Variants in SCRN3 observed in about 807,000 individuals in gnomAD.
SCRN3 encodes secernin-3.
A neutral mutation model predicts 43.1 loss-of-function variants in SCRN3; 39 were observed. That is an observed-to-expected ratio of 0.91 (90% CI 0.70 to 1.18). SCRN3 has a LOEUF of 1.18. Among genes scored for constraint, SCRN3 ranks in the 50% most tolerant of loss-of-function variants. The pLI, the probability that SCRN3 is intolerant of heterozygous loss-of-function variation, is 0.00. For missense variants in SCRN3, 484 were observed against 498.0 expected, an observed-to-expected ratio of 0.97 and a Z score of 0.27; for synonymous variants, 147 against 163.1, an observed-to-expected ratio of 0.90 and a Z score of 0.75.
rs776531457 is a variant in SCRN3, at chr2:174,404,277, G to GAT, written c.718_719dup (p.Cys241ThrfsTer8). 1 of 1,613,766 alleles carries GAT rather than the reference G, an allele frequency of 6.2e-7. No homozygotes were observed. The highest frequency in any genetic ancestry group is 1.7e-5 in the Admixed American group (1 of 59,996). ...GCCAAGATGATGACTTCATCAGGCA[G>GAT]ATACTGTGAGGGCTACAAGCTTCTA... On this transcript the variant is annotated frameshift_variant, in exon 5 of 8. Coordinates refer to ENST00000272732, the MANE Select transcript of SCRN3 (RefSeq NM_024583.5). LOFTEE classifies it high-confidence loss of function.
At position 174,404,607 on chromosome 2, in the gene SCRN3, TC is replaced by T. The variant is rs1250326058; in HGVS notation, c.754+298del. ...ATCTCCCAATGCTATCCCTCCCCCCTCCCCCCACCCCACCACAGTCCCCAGA... is the reference window on the plus strand; with the variant it reads ...ATCTCCCAATGCTATCCCTCCCCCCTCCCCCACCCCACCACAGTCCCCAGA... On this transcript the variant is annotated intron_variant, in intron 5 of 7. Transcript: ENST00000272732. Among the ~76,000 whole-genome samples, 574 of 101,228 alleles carry T rather than the reference TC, an allele frequency of 5.7e-3. 2 individuals carry two copies. The highest frequency in any genetic ancestry group is 8.0e-3 in the Non-Finnish European group (414 of 51,600). 66.4% of individuals were successfully genotyped at this position (101,228 alleles called of 152,430 possible).
At chr2:174,420,708 T>G (rs1390512088) in intron 5 of SCRN3, among the ~76,000 whole-genome samples, 1 of 152,048 alleles carries the variant, frequency 6.6e-6, no homozygotes, top group Non-Finnish European at 1.5e-5. Context: ...AACAACAGAT[T>G]AGGTATAACA....
At chr2:174,395,928 G>A in intron 1 of SCRN3, 111 bp downstream of exon 1, 1 of 1,412,188 alleles carries the variant, frequency 7.1e-7, no homozygotes. Context: ...AGCTGCACCG[G>A]CTGCGGTTTG....
chr2:174,422,877 T>C lies in SCRN3; in HGVS notation c.755-8T>C. 1.3e-6 allele frequency: 2 copies of C among 1,582,524 alleles called. No individual in the cohort carries two copies. Among genetic ancestry groups the C allele is most frequent in the South Asian group, 1.1e-5 (1 of 89,990 alleles). On this transcript the variant is annotated splice_polypyrimidine_tract_variant and splice_region_variant and intron_variant, in intron 5 of 7. Transcript: ENST00000272732. ...TGTATTTGATGATTTTAAAAATTAT[T>C]TCTCTAGGAAATATAACTTTTGAAA...
rs1175436913 is a variant in SCRN3, at chr2:174,429,412, C to A, written c.*1517C>A. Reference sequence around the variant, plus strand: ...ATGAGTCACTGCAGCCAATCTATTACAAATTTAAATCTGATTATGAATTCC... The same window carrying A: ...ATGAGTCACTGCAGCCAATCTATTAAAAATTTAAATCTGATTATGAATTCC... On this transcript the variant is annotated 3_prime_UTR_variant, in exon 8 of 8. Coordinates refer to ENST00000272732, the MANE Select transcript of SCRN3 (RefSeq NM_024583.5). 3 of 152,140 alleles carry A rather than the reference C, an allele frequency of 2.0e-5. No individual in the cohort carries two copies. The highest frequency in any genetic ancestry group is 4.8e-5 in the African/African-American group (2 of 41,428). 9.4% of individuals were successfully genotyped at this position (152,140 alleles called of 1,614,324 possible).
In SCRN3 at chr2:174,398,316, A is replaced by G. The variant is rs1685393195; in HGVS notation, c.33A>G (p.Ala11=). ...CTTTTTCCTGTGACACTTTCGTGGCATTACCTCCAGCAACAGTCGATAACA... is the reference window on the plus strand; with the variant it reads ...CTTTTTCCTGTGACACTTTCGTGGCGTTACCTCCAGCAACAGTCGATAACA... MEPFSCDTFV[A]LPPATVDNRI... is the part of the protein sequence containing the mutation. The change falls in exon 2 of 8, where the codon GCA becomes GCG. Residue 11 remains alanine, a synonymous_variant. Transcript: ENST00000272732. The G allele has an allele frequency of 1.9e-6, 3 of 1,590,446 alleles. No homozygotes were observed. The highest frequency in any genetic ancestry group is 2.6e-6 in the Non-Finnish European group (3 of 1,172,368).
intron 7 of SCRN3, among the ~76,000 whole-genome samples, chr2:174,425,537 G>A (rs1686451540): frequency 1.3e-5 from 2 of 152,094 alleles, no homozygotes; most frequent in East Asian, 3.9e-4. Context: ...TTTTCCTCCA[G>A]GTAATAATTT....
intron 5 of SCRN3, among the ~76,000 whole-genome samples, chr2:174,414,117 A>G (rs1686022563): frequency 6.6e-6 from 1 of 152,126 alleles, no homozygotes; most frequent in African/African-American, 2.4e-5. Context: ...GCCTTCAGGT[A>G]GTTGTTTTTC....
downstream of SCRN3, among the ~76,000 whole-genome samples, chr2:174,429,865 A>C (rs1157862033): frequency 6.6e-6 from 1 of 152,202 alleles, no homozygotes; most frequent in Non-Finnish European, 1.5e-5. Context: ...TATCATTGGA[A>C]TCATACAGTA....
chr2:174,410,855 A>G (rs1685892609), intron 5 of SCRN3, among the ~76,000 whole-genome samples: 1 of 152,228 alleles, frequency 6.6e-6, no homozygotes, highest in Non-Finnish European at 1.5e-5. Flanking sequence ...TTCAAATACA[A>G]GAAGAGAAAA....
At chr2:174,399,791 A>T (rs1298895421) in intron 2 of SCRN3, 131 bp from the exon 3 acceptor site, 2 of 554,720 alleles carry the variant, frequency 3.6e-6, no homozygotes, top group Non-Finnish European at 5.5e-6. Context: ...TGAAAATTTC[A>T]ATTTACTTAT....
chr2:174,403,951 A>G (rs1685590667), intron 4 of SCRN3, 152 bp from the exon 5 acceptor site: 1 of 572,178 alleles, frequency 1.7e-6, no homozygotes, highest in African/African-American at 1.9e-5. Context: ...TAATTCATTT[A>G]TCTTTTTGAA....
chr2:174,400,965 TG>T lies in SCRN3; in HGVS notation c.342-24del, dbSNP rs758426185. On this transcript the variant is annotated intron_variant, in intron 3 of 7. Coordinates refer to ENST00000272732, the MANE Select transcript of SCRN3 (RefSeq NM_024583.5). ...AAAATAATGGAAATTTATTTTAATA[TG>T]AGAACTTTATATTTTTGTTTTAGAC... 7 of 1,513,572 alleles carry T rather than the reference TG, an allele frequency of 4.6e-6. No homozygotes were observed. In the South Asian group the frequency reaches 8.9e-5, roughly 19 times the overall value. 93.8% of individuals were successfully genotyped at this position (1,513,572 alleles called of 1,614,324 possible).
chr2:174,397,724 A>G (rs1456361939), intron 1 of SCRN3, among the ~76,000 whole-genome samples: 3 of 152,212 alleles, frequency 2.0e-5, no homozygotes, highest in African/African-American at 7.2e-5. Flanking sequence ...GGATTTATAT[A>G]TACACGAATG....
intron 5 of SCRN3, among the ~76,000 whole-genome samples, chr2:174,413,118 C>T (rs921260682): frequency 2.6e-5 from 4 of 151,708 alleles, no homozygotes; most frequent in African/African-American, 7.3e-5. Context: ...GTGATCCACC[C>T]GTCTCGGCCT....
At chr2:174,417,340 C>T (rs751726478) in intron 5 of SCRN3, among the ~76,000 whole-genome samples, 1 of 151,994 alleles carries the variant, frequency 6.6e-6, no homozygotes, top group Admixed American at 6.6e-5. Context: ...ACACCTACTC[C>T]CATTTATTAA....
At chr2:174,399,454 A>G (rs1317234188) in intron 2 of SCRN3, among the ~76,000 whole-genome samples, 1 of 152,222 alleles carries the variant, frequency 6.6e-6, no homozygotes, top group Non-Finnish European at 1.5e-5. Flanking sequence ...ATCAAGAAAC[A>G]CTGGATATTG....
chr2:174,396,903 G>A (rs1685340105), intron 1 of SCRN3: 1 of 167,928 alleles, frequency 6.0e-6, no homozygotes, highest in African/African-American at 2.4e-5. Context: ...TCTATGCACT[G>A]TGCAAAACAC....
intron 1 of SCRN3, among the ~76,000 whole-genome samples, chr2:174,396,487 TA>T (rs1685316049): frequency 6.6e-6 from 1 of 152,152 alleles, no homozygotes; most frequent in Non-Finnish European, 1.5e-5. Context: ...CCAAGTTCTC[TA>T]TCAGGGTAAT....
Sources: allele counts gnomAD v4.1 joint callset (sites outside exome capture counted in the v4.1 genomes callset), GRCh38; gene constraint gnomAD v4.1.1; transcripts MANE v1.5; gene names NCBI Gene and HGNC (gene_info 2026-07-23, HGNC 2026-07-21).